Variants in LTBP1 observed in about 807,000 individuals in gnomAD.
LTBP1 encodes the protein latent transforming growth factor beta binding protein 1.
In LTBP1, 129 loss-of-function variants were observed where a neutral mutation model predicts 207.6. That is an observed-to-expected ratio of 0.62 (90% confidence interval 0.54 to 0.72). The LOEUF is 0.72. LTBP1 is among the 30% of genes least tolerant of loss of function. The pLI is 0.00. For synonymous variants in LTBP1, 963 were observed against 833.7 expected (o/e 1.16, Z -2.67); for missense variants, 2,281 against 2,217.2 (o/e 1.03, Z -0.58).
chr2:33,388,906 C>T (rs2095290858), intron 31 of LTBP1, among the ~76,000 whole-genome samples: 1 of 152,200 alleles, frequency 6.6e-6, no homozygotes, highest in South Asian at 2.1e-4. Flanking sequence ...GTTTTGTCAG[C>T]CCTTTACTGC....
chr2:33,173,084 A>G (rs1255602592), intron 5 of LTBP1, among the ~76,000 whole-genome samples: 1 of 152,214 alleles, frequency 6.6e-6, no homozygotes, highest in East Asian at 1.9e-4. Flanking sequence ...CTAATATCTC[A>G]ATTAAAAGAA....
intron 5 of LTBP1, among the ~76,000 whole-genome samples, chr2:33,178,836 G>T (rs1329631033): frequency 1.3e-5 from 2 of 152,130 alleles, no homozygotes; most frequent in Admixed American, 6.5e-5. Context: ...AATGATGTCT[G>T]TCCACCCCCA....
At chr2:32,999,975 G>A (rs750042415) in intron 2 of LTBP1, among the ~76,000 whole-genome samples, 1 of 134,606 alleles carries the variant, frequency 7.4e-6, no homozygotes, top group Non-Finnish European at 1.6e-5. Context: ...GTATGTAAGA[G>A]TCAGTCACCT....
chr2:32,951,187 C>T (rs1677044763), intron 2 of LTBP1, among the ~76,000 whole-genome samples: 1 of 152,242 alleles, frequency 6.6e-6, no homozygotes, highest in East Asian at 1.9e-4. Flanking sequence ...AGCCCTTGGA[C>T]AGTACCAGCA....
At chr2:33,318,694 C>A (rs1216990709) in intron 24 of LTBP1, among the ~76,000 whole-genome samples, 4 of 152,162 alleles carry the variant, frequency 2.6e-5, no homozygotes, top group Admixed American at 2.6e-4. Context: ...TTCATCTCCT[C>A]CTGCCACCTT....
chr2:32,979,210 A>C (rs998657474), intron 2 of LTBP1, among the ~76,000 whole-genome samples: 1 of 149,584 alleles, frequency 6.7e-6, no homozygotes, highest in African/African-American at 2.5e-5. Context: ...TTCTGCTCTG[A>C]TCTTTATTAT....
Position 33,398,652 on chromosome 2 carries a change from C to G in LTBP1, c.*107C>G. On this transcript the variant is annotated 3_prime_UTR_variant, in exon 34 of 34. Coordinates refer to ENST00000404816, the MANE Select transcript of LTBP1 (RefSeq NM_206943.4). ...CACCTACCCCGGAAGGCTGGAAATACAGAAACAGCATGGAATTGCAAGTCC... is the reference window on the plus strand; with the variant it reads ...CACCTACCCCGGAAGGCTGGAAATAGAGAAACAGCATGGAATTGCAAGTCC... The G allele has an allele frequency of 8.8e-7, 1 of 1,136,792 alleles. No individual in the cohort carries two copies. The allele number at this position is 1,136,792 out of a possible 1,614,324, so 70.4% of individuals were successfully genotyped here.
intron 5 of LTBP1, among the ~76,000 whole-genome samples, chr2:33,160,463 T>G (rs79517316): frequency 0.035 from 5,381 of 152,304 alleles, 134 homozygotes; most frequent in Middle Eastern, 0.15. Context: ...TTCCAGGAGC[T>G]TGAATGCCTG....
At chr2:33,360,890 T>C (rs2094920367) in intron 27 of LTBP1, 111 bp downstream of exon 27, 1 of 881,904 alleles carries the variant, frequency 1.1e-6, no homozygotes, top group African/African-American at 1.7e-5. Flanking sequence ...ACTTACCTTA[T>C]AGTGAGTTTC....
Position 33,110,664 on chromosome 2 carries a change from G to A in LTBP1, c.946G>A (p.Ala316Thr). 6.2e-7 allele frequency: 1 copy of A among 1,614,168 alleles called. No individual in the cohort carries two copies. The highest frequency in any genetic ancestry group is 8.5e-7 in the Non-Finnish European group (1 of 1,180,028). Reference protein sequence around the residue: ...EYVLKPKYFPAQKGISGEQST... With the variant: ...EYVLKPKYFPTQKGISGEQST... ...CGTGCTCAAGCCCAAGTACTTTCCA[G>A]CCCAGAAGGGGATTTCAGGAGAGCA... The change falls in exon 4 of 34, where the codon GCC becomes ACC. Residue 316 changes from alanine (A) to threonine (T), a missense_variant. By Grantham distance (58) the Ala-to-Thr change is moderately conservative (BLOSUM62 0). Around this residue, in one of 3 missense-constraint regions of LTBP1, gnomAD observed 555 missense variants for 491.0 expected, o/e 1.13. Transcript: ENST00000404816.
chr2:33,237,361 C>A (rs2092100392), intron 9 of LTBP1, among the ~76,000 whole-genome samples: 1 of 152,172 alleles, frequency 6.6e-6, no homozygotes, highest in South Asian at 2.1e-4. Context: ...AGAGGTCTCA[C>A]AAAGTCTGTG....
At chr2:33,319,299 G>A (rs141152602) in intron 24 of LTBP1, among the ~76,000 whole-genome samples, 2,819 of 152,112 alleles carry the variant, frequency 0.019, 92 homozygotes, top group African/African-American at 0.065. Flanking sequence ...TCATGAGGCT[G>A]TGGCAGGAGA....
At chr2:33,090,284 C>G (rs948005087) in intron 3 of LTBP1, among the ~76,000 whole-genome samples, 9 of 152,172 alleles carry the variant, frequency 5.9e-5, no homozygotes, top group Non-Finnish European at 8.8e-5. Flanking sequence ...AAAGTTGGCC[C>G]TTTTTCCTGG....
At chr2:33,388,326 G>A (rs115687129) in intron 31 of LTBP1, among the ~76,000 whole-genome samples, 159 of 152,250 alleles carry the variant, frequency 1.0e-3, no homozygotes, top group African/African-American at 3.8e-3. Flanking sequence ...GTACAGAGAT[G>A]GTAAGGACAG....
In LTBP1 at chr2:33,093,410, GA is replaced by G. The variant is rs529301795; in HGVS notation, c.864-17164del. Among the ~76,000 whole-genome samples, 870 of 151,330 alleles carry G rather than the reference GA, an allele frequency of 5.7e-3. 12 individuals are homozygous for G. Among genetic ancestry groups the G allele is most frequent in the Middle Eastern group, 0.045 (13 of 292 alleles). On this transcript the variant is annotated intron_variant, in intron 3 of 33. Transcript: ENST00000404816. Reference sequence around the variant, plus strand: ...TATTTACCGCCTGGTGGAAACAGTTGAAAAAAAATTACACAATTGGAACAAT... The same window carrying G: ...TATTTACCGCCTGGTGGAAACAGTTGAAAAAAATTACACAATTGGAACAAT...
intron 3 of LTBP1, among the ~76,000 whole-genome samples, chr2:33,095,711 T>G (rs1285886361): frequency 6.6e-6 from 1 of 151,870 alleles, no homozygotes; most frequent in Non-Finnish European, 1.5e-5. Context: ...AAATATGATC[T>G]TAATGAAACA....
chr2:33,313,644 T>C (rs369999537), intron 23 of LTBP1, among the ~76,000 whole-genome samples: 18 of 152,350 alleles, frequency 1.2e-4, no homozygotes, highest in Middle Eastern at 3.4e-3. Context: ...GTATGCCTCC[T>C]GAATGCTGCT....
At chr2:33,363,632 TGTGTAA>T in intron 29 of LTBP1, 114 bp downstream of exon 29, 10 of 1,201,766 alleles carry the variant, frequency 8.3e-6, no homozygotes, top group Non-Finnish European at 1.0e-5. Flanking sequence ...GTTGAAAAGA[TGTGTAA>T]ACGTTTTAGG....
In LTBP1 at chr2:33,209,257, G is replaced by A. The variant is rs191395625; in HGVS notation, c.1702-8295G>A. 6.6e-5 allele frequency among the ~76,000 whole-genome samples: 10 copies of A among 152,254 alleles called. No homozygotes were observed. The East Asian group carries it at 1.7e-3, about 26-fold the overall frequency. ...CAAGAAACCATTGCTATCTAAACCT[G>A]AAAGGACAGCTATATTCTCTGGGAC... On this transcript the variant is annotated intron_variant, in intron 7 of 33. Transcript: ENST00000404816.
Sources: gnomAD v4.1 joint callset for allele counts (sites outside exome capture counted in the v4.1 genomes callset) on GRCh38, gnomAD v4.1.1 for gene constraint, gnomAD v4.1.1 regional missense constraint, MANE v1.5 for transcripts, NCBI Gene and HGNC (gene_info 2026-07-23, HGNC 2026-07-21) for gene names.